The following DLC1 variants were observed in gnomAD, a reference collection of about 807,000 sequenced individuals.
The protein encoded by DLC1 is DLC1 Rho GTPase activating protein.
DLC1 carries 54 observed loss-of-function variants against 140.3 expected under a neutral mutation model. That is an observed-to-expected ratio of 0.38 (90% CI 0.31 to 0.48). The LOEUF (loss-of-function observed/expected upper bound fraction) is 0.48, where lower values mean the gene tolerates loss of function less well. DLC1 is among the 20% of genes least tolerant of loss of function. DLC1 has a pLI of 0.96. For missense variants in DLC1, 2,536 were observed against 1,907.0 expected (o/e 1.33, Z -6.14); for synonymous variants, 986 against 728.1 (o/e 1.35, Z -5.70).
intron 4 of DLC1, among the ~76,000 whole-genome samples, chr8:13,321,506 C>G (rs1346161189): frequency 7.8e-6 from 1 of 128,164 alleles, no homozygotes; most frequent in East Asian, 2.5e-4. Context: ...CCACTGCACT[C>G]CAGCCTAGCG....
chr8:13,312,158 G>A (rs1181808885), intron 4 of DLC1, among the ~76,000 whole-genome samples: 1 of 129,172 alleles, frequency 7.7e-6, no homozygotes, highest in Non-Finnish European at 1.7e-5. Flanking sequence ...TCAGGAGATC[G>A]AGACCATCCT....
chr8:13,115,186 AG>A (rs1248264394), intron 6 of DLC1, among the ~76,000 whole-genome samples: 1 of 152,232 alleles, frequency 6.6e-6, no homozygotes, highest in Non-Finnish European at 1.5e-5. Flanking sequence ...ACAGTATAGA[AG>A]AATCTTAACA....
At chr8:13,556,653 C>G (rs535004192) in intron 1 of DLC1, among the ~76,000 whole-genome samples, 1 of 152,246 alleles carries the variant, frequency 6.6e-6, no homozygotes, top group African/African-American at 2.4e-5. Context: ...GGGCCTGATA[C>G]AGACATAGGC....
intron 1 of DLC1, among the ~76,000 whole-genome samples, chr8:13,542,323 A>C (rs1321625560): frequency 6.6e-6 from 1 of 152,152 alleles, no homozygotes; most frequent in East Asian, 1.9e-4. Flanking sequence ...TCTTCATTGG[A>C]CTGCCTTTGC....
At chr8:13,218,765 A>C (rs1188271) in intron 5 of DLC1, among the ~76,000 whole-genome samples, 80,998 of 140,514 alleles carry the variant, frequency 0.58, 24,495 homozygotes, top group East Asian at 0.84. Context: ...AATTCTATTC[A>C]TGTTTATATA....
intron 1 of DLC1, among the ~76,000 whole-genome samples, chr8:13,529,988 G>A (rs759492196): frequency 5.9e-5 from 9 of 152,288 alleles, no homozygotes; most frequent in Non-Finnish European, 1.2e-4. Flanking sequence ...ATCCTGGAAG[G>A]AACCAGAATT....
chr8:13,453,538 ACATATATATATATATATATTT>A (rs1799248268), intron 2 of DLC1, among the ~76,000 whole-genome samples: 1 of 47,082 alleles, frequency 2.1e-5, no homozygotes, highest in Non-Finnish European at 3.6e-5. Flanking sequence ...GTATATATAT[ACATATATATATATATATATTT>A]TTTTTTTTTT....
chr8:13,436,156 T>G (rs1225441830), intron 2 of DLC1, among the ~76,000 whole-genome samples: 1 of 152,250 alleles, frequency 6.6e-6, no homozygotes. Context: ...GACATTTGCT[T>G]TATTGCAGTG....
In DLC1 at chr8:13,205,637, C is replaced by A. The variant is rs905107983; in HGVS notation, c.1349-89980G>T. The stretch of plus-strand genomic sequence containing the variant: ...AAAAAAAAAATAGCAAAAAATTCTT[C>A]TAATATTTTAAGAAAGCTTGACAAA... On this transcript the variant is annotated intron_variant, in intron 5 of 17. Transcript: ENST00000276297. Among the ~76,000 whole-genome samples, 170 of 152,176 alleles carry A rather than the reference C, an allele frequency of 1.1e-3. 2 individuals are homozygous for A. Among genetic ancestry groups the A allele is most frequent in the Admixed American group, 0.011 (168 of 15,284 alleles).
At chr8:13,367,200 C>A (rs1046747812) in intron 4 of DLC1, among the ~76,000 whole-genome samples, 5 of 152,114 alleles carry the variant, frequency 3.3e-5, no homozygotes, top group Admixed American at 2.0e-4. Flanking sequence ...TGCTGTCATA[C>A]CTTGGGTCTT....
intron 5 of DLC1, among the ~76,000 whole-genome samples, chr8:13,239,533 C>T (rs976450040): frequency 6.6e-6 from 1 of 152,134 alleles, no homozygotes; most frequent in East Asian, 1.9e-4. Context: ...CGGCTGTGAT[C>T]AGCTTTTTTC....
intron 5 of DLC1, among the ~76,000 whole-genome samples, chr8:13,160,622 C>T (rs1824617806): frequency 6.6e-6 from 1 of 152,186 alleles, no homozygotes; most frequent in Non-Finnish European, 1.5e-5. Flanking sequence ...ATAGGTTAAA[C>T]CACCAGAATG....
At chr8:13,252,762 T>C (rs1830067082) in intron 5 of DLC1, among the ~76,000 whole-genome samples, 1 of 152,210 alleles carries the variant, frequency 6.6e-6, no homozygotes, top group African/African-American at 2.4e-5. Context: ...ATTTACGTCA[T>C]GCTCCAAAGA....
chr8:13,385,454 AG>A (rs1033594926), intron 4 of DLC1, among the ~76,000 whole-genome samples: 5 of 152,196 alleles, frequency 3.3e-5, no homozygotes, highest in African/African-American at 1.2e-4. Context: ...CAAAAATCTA[AG>A]GAGTATAGTT....
chr8:13,319,477 G>GA (rs1563250221), intron 4 of DLC1, among the ~76,000 whole-genome samples: 2 of 119,622 alleles, frequency 1.7e-5, no homozygotes, highest in East Asian at 5.4e-4. Flanking sequence ...GGCGGGGCGG[G>GA]GGGGGGGGGT....
In DLC1 at chr8:13,602,558, C is replaced by G. The variant is rs563667188; in HGVS notation, c.-126+1979G>C. Among the ~76,000 whole-genome samples the G allele has an allele frequency of 2.6e-4, 39 of 151,770 alleles. No homozygotes were observed. The East Asian group carries it at 6.2e-3, about 24-fold the overall frequency. ...ACATCAAAATACATGGAAATTAGGA[C>G]AAGTTGAAGTGGCTGTATATGAAAC... On this transcript the variant is annotated intron_variant, in intron 1 of 1. Coordinates refer to the DLC1 transcript ENST00000631382.
At chr8:13,365,874 C>G (rs1298999466) in intron 4 of DLC1, among the ~76,000 whole-genome samples, 1 of 152,116 alleles carries the variant, frequency 6.6e-6, no homozygotes, top group Non-Finnish European at 1.5e-5. Flanking sequence ...TGAGAGGCAC[C>G]TAAGTGACCC....
chr8:13,401,306 T>A (rs1837285606), intron 3 of DLC1, among the ~76,000 whole-genome samples, 164 bp downstream of exon 3: 1 of 152,244 alleles, frequency 6.6e-6, no homozygotes, highest in Non-Finnish European at 1.5e-5. Flanking sequence ...ATGCATAGAA[T>A]GTATGCATGA....
intron 4 of DLC1, among the ~76,000 whole-genome samples, chr8:13,369,825 C>T (rs1381044604): frequency 6.6e-6 from 1 of 151,614 alleles, no homozygotes; most frequent in Non-Finnish European, 1.5e-5. Flanking sequence ...CCACTTGAAC[C>T]CCAAGTCGGC....
Sources: gnomAD v4.1 joint callset for allele counts (sites outside exome capture counted in the v4.1 genomes callset) on GRCh38, gnomAD v4.1.1 for gene constraint, MANE v1.5 for transcripts, NCBI Gene and HGNC (gene_info 2026-07-23, HGNC 2026-07-21) for gene names.